The following EIPR1 variants were observed in gnomAD, a reference collection of about 807,000 sequenced individuals.
The protein encoded by EIPR1 is EARP complex and GARP complex interacting protein 1, also known as EARP and GARP complex-interacting protein 1.
EIPR1 carries 25 observed loss-of-function variants against 48.1 expected under a neutral mutation model. The observed-to-expected ratio is 0.52, with a 90% confidence interval of 0.38 to 0.73. EIPR1 has a LOEUF of 0.73. Ranked by LOEUF, EIPR1 falls within the 30% of genes least tolerant of loss-of-function variation. The pLI is 0.00. For synonymous variants in EIPR1, 204 were observed against 201.9 expected (o/e 1.01, Z -0.09); for missense variants, 415 against 506.2 (o/e 0.82, Z 1.73).
intron 2 of EIPR1, among the ~76,000 whole-genome samples, chr2:3,352,677 T>C (rs1023497287): frequency 6.6e-6 from 1 of 152,224 alleles, no homozygotes; most frequent in African/African-American, 2.4e-5. Context: ...CACACAGGCC[T>C]TATATTATTG....
At chr2:3,364,283 T>C (rs1007976155) in intron 1 of EIPR1, among the ~76,000 whole-genome samples, 157 of 152,208 alleles carry the variant, frequency 1.0e-3, no homozygotes, top group African/African-American at 3.6e-3. Flanking sequence ...AACAGATGAA[T>C]GGATAAAGAA....
intron 1 of EIPR1, among the ~76,000 whole-genome samples, chr2:3,357,029 CCTCTGATTGGTTG>C (rs58502698): frequency 0.22 from 33,823 of 152,046 alleles, 4,710 homozygotes; most frequent in East Asian, 0.42. Context: ...TTCACTGTAG[CCTCTGATTGGTTG>C]CTCTGATTGG....
chr2:3,353,316 T>A (rs1204109409), intron 2 of EIPR1: 18 of 470,978 alleles, frequency 3.8e-5, no homozygotes, highest in Admixed American at 3.5e-4. Flanking sequence ...TTCCTTCCAG[T>A]CTTTATTCTA....
At chr2:3,358,468 T>TA (rs1258152173) in intron 1 of EIPR1, among the ~76,000 whole-genome samples, 2 of 152,206 alleles carry the variant, frequency 1.3e-5, no homozygotes, top group African/African-American at 4.8e-5. Context: ...TTCCCATGAT[T>TA]AGACACCTGG....
At chr2:3,308,538 G>A (rs954221461) in intron 3 of EIPR1, among the ~76,000 whole-genome samples, 1 of 152,184 alleles carries the variant, frequency 6.6e-6, no homozygotes, top group Non-Finnish European at 1.5e-5. Context: ...CAGGAATGCG[G>A]GACAATAGCA....
Position 3,257,324 on chromosome 2 carries a change from T to C in EIPR1, c.391A>G (p.Asn131Asp), listed in dbSNP as rs201697774. The C allele has an allele frequency of 1.8e-4, 296 of 1,614,090 alleles. No individual in the cohort carries two copies. Among genetic ancestry groups the C allele is most frequent in the Middle Eastern group, 3.3e-4 (2 of 6,060 alleles). ...CAGGCCATGTTGCCATGGGCTGTGT[T>C]GTCAAGGTGACAGAGCAGCTCCAGG... ...QTLELLCHLD[N>D]TAHGNMACVV... Residue 131 changes from asparagine (N) to aspartate (D), a missense_variant, in exon 4 of 9, where the codon AAC (asparagine) becomes GAC (aspartate). By Grantham distance (23) the Asn-to-Asp change is conservative. Coordinates refer to ENST00000382125, the MANE Select transcript of EIPR1 (RefSeq NM_003310.5).
In EIPR1 at chr2:3,221,704, C is replaced by T. The variant is rs139084676; in HGVS notation, c.417-7456G>A. Among the ~76,000 whole-genome samples the T allele has an allele frequency of 2.2e-3, 33 of 15,026 alleles. 2 individuals carry two copies. The highest frequency in any genetic ancestry group is 4.2e-3 in the African/African-American group (32 of 7,636). The allele number at this position is 15,026 out of a possible 152,430, so 9.9% of individuals were successfully genotyped here. A position where few individuals can be genotyped will look rare whatever the true frequency, so the allele number is the denominator to read the frequency against. ...CACTCTAGAGCATTCACAGTGAGAC[C>T]GGAACACACGCACACAATGGCCAAG... is the stretch of plus-strand genomic sequence containing the variant. On this transcript the variant is annotated intron_variant, in intron 4 of 8. Transcript: ENST00000382125.
chr2:3,259,390 T>A (rs866780114), intron 3 of EIPR1, among the ~76,000 whole-genome samples: 8 of 152,266 alleles, frequency 5.3e-5, no homozygotes, highest in Middle Eastern at 3.4e-3. Context: ...CTTAACTATA[T>A]CCACGTTGCC....
intron 3 of EIPR1, among the ~76,000 whole-genome samples, chr2:3,269,268 G>T (rs79105222): frequency 1.0e-4 from 7 of 69,102 alleles, no homozygotes; most frequent in Admixed American, 1.6e-4. Flanking sequence ...ACTCAGTCAT[G>T]GCACTCAGTC....
At chr2:3,309,721 C>T (rs1254390181) in intron 3 of EIPR1, among the ~76,000 whole-genome samples, 1 of 152,208 alleles carries the variant, frequency 6.6e-6, no homozygotes, top group Non-Finnish European at 1.5e-5. Context: ...GGACCAGGGT[C>T]ACTGACTTGA....
At chr2:3,201,181 C>A (rs966616831) in intron 5 of EIPR1, among the ~76,000 whole-genome samples, 5 of 152,176 alleles carry the variant, frequency 3.3e-5, no homozygotes, top group East Asian at 1.9e-4. Flanking sequence ...CGTATGTGCA[C>A]AGGGCAGGAG....
chr2:3,278,254 G>A (rs150450265), intron 3 of EIPR1, among the ~76,000 whole-genome samples: 7 of 152,306 alleles, frequency 4.6e-5, no homozygotes, highest in Non-Finnish European at 1.0e-4. Flanking sequence ...CCTGCATCCT[G>A]CCCCATCAGC....
At chr2:3,342,523 A>T (rs1186864667) in intron 2 of EIPR1, among the ~76,000 whole-genome samples, 1 of 152,198 alleles carries the variant, frequency 6.6e-6, no homozygotes, top group Non-Finnish European at 1.5e-5. Flanking sequence ...GTGGCCCCCA[A>T]GCTGGCCCCT....
chr2:3,277,589 T>TC (rs1452456339), intron 3 of EIPR1, among the ~76,000 whole-genome samples: 4 of 152,128 alleles, frequency 2.6e-5, no homozygotes, highest in African/African-American at 4.8e-5. Flanking sequence ...TGGGAACTAC[T>TC]CCCCGGGGTG....
rs191358142 is a variant in EIPR1, at chr2:3,219,327, G to A, written c.417-5079C>T. 1.7e-3 allele frequency among the ~76,000 whole-genome samples: 64 copies of A among 37,044 alleles called. 6 individuals are homozygous for A. In the East Asian group the frequency reaches 0.049, roughly 29 times the overall value. 24.3% of individuals were successfully genotyped at this position (37,044 alleles called of 152,430 possible). ...AGTGAGTCAGGTGCACACTCAACAC[G>A]ACCCTGGTATAATCTAGAGCATTCA... On this transcript the variant is annotated intron_variant, in intron 4 of 8. Coordinates refer to ENST00000382125, the MANE Select transcript of EIPR1 (RefSeq NM_003310.5).
Position 3,214,013 on chromosome 2 carries a change from C to A in EIPR1, c.516+136G>T, listed in dbSNP as rs1322952546. On this transcript the variant is annotated intron_variant, in intron 5 of 8. Transcript: ENST00000382125. ...TATCCCTCCCGCTCCCCCAACCCCACGACAGGCCCTGGTGTGTGATGTTCC... is the reference window on the plus strand; with the variant it reads ...TATCCCTCCCGCTCCCCCAACCCCAAGACAGGCCCTGGTGTGTGATGTTCC... 8.1e-5 allele frequency: 52 copies of A among 644,802 alleles called. 1 individual carries two copies. Among genetic ancestry groups the A allele is most frequent in the Middle Eastern group, 4.0e-4 (1 of 2,514 alleles). 39.9% of individuals were successfully genotyped at this position (644,802 alleles called of 1,614,324 possible). A position where few individuals can be genotyped will look rare whatever the true frequency, so the allele number is the denominator to read the frequency against.
Position 3,253,485 on chromosome 2 carries a change from C to A in EIPR1, c.416+3814G>T, listed in dbSNP as rs973095285. Reference sequence around the variant, plus strand: ...GACACCATGTAGAGGCCCTGCCACACAACCATCAGCTGAGCAACGTCATCG... The same window carrying A: ...GACACCATGTAGAGGCCCTGCCACAAAACCATCAGCTGAGCAACGTCATCG... On this transcript the variant is annotated intron_variant, in intron 4 of 8. Transcript: ENST00000382125. 2.0e-5 allele frequency among the ~76,000 whole-genome samples: 3 copies of A among 152,330 alleles called. No individual in the cohort carries two copies. In the East Asian group the frequency reaches 5.8e-4, roughly 29 times the overall value.
At chr2:3,288,420 G>A (rs1165642791) in intron 3 of EIPR1, among the ~76,000 whole-genome samples, 3 of 152,210 alleles carry the variant, frequency 2.0e-5, no homozygotes, top group African/African-American at 7.2e-5. Flanking sequence ...CGTTACAGCT[G>A]AACATGAGTC....
chr2:3,272,351 C>A (rs1345672921), intron 3 of EIPR1, among the ~76,000 whole-genome samples: 1 of 152,194 alleles, frequency 6.6e-6, no homozygotes, highest in Non-Finnish European at 1.5e-5. Context: ...GTGTGCAAGG[C>A]CCGGCTCTTG....
Sources: allele counts gnomAD v4.1 joint callset (sites outside exome capture counted in the v4.1 genomes callset), GRCh38; gene constraint gnomAD v4.1.1; transcripts MANE v1.5; gene names NCBI Gene and HGNC (gene_info 2026-07-23, HGNC 2026-07-21).